Variants in TMCC2 observed in about 807,000 individuals in gnomAD.
TMCC2 encodes the protein transmembrane and coiled-coil domain family 2.
Under a neutral mutation model 49.4 loss-of-function variants are expected in TMCC2, and 16 were observed. That is an observed-to-expected ratio of 0.32 (90% CI 0.22 to 0.49). TMCC2 has a LOEUF of 0.49. TMCC2 is among the 20% of genes least tolerant of loss of function. TMCC2 has a pLI of 0.99. For missense variants in TMCC2, 762 were observed against 989.8 expected, an observed-to-expected ratio of 0.77 and a Z score of 3.09; for synonymous variants, 397 against 434.1, an observed-to-expected ratio of 0.91 and a Z score of 1.06.
chr1:205,250,244 T>C (rs1660612984), intron 2 of TMCC2, among the ~76,000 whole-genome samples: 1 of 152,102 alleles, frequency 6.6e-6, no homozygotes, highest in East Asian at 1.9e-4. Context: ...ACTTTCTTTC[T>C]AGATTGAAAA....
intron 2 of TMCC2, among the ~76,000 whole-genome samples, chr1:205,259,066 A>G (rs1660996554): frequency 6.6e-6 from 1 of 152,208 alleles, no homozygotes; most frequent in Non-Finnish European, 1.5e-5. Flanking sequence ...TGTTCTGCAC[A>G]GGCCTGGGCC....
intron 2 of TMCC2, among the ~76,000 whole-genome samples, chr1:205,260,166 T>C (rs1310717208): frequency 6.6e-6 from 1 of 151,846 alleles, no homozygotes; most frequent in Non-Finnish European, 1.5e-5. Context: ...ACCTGTGGAG[T>C]GGCCAGCCTA....
At chr1:205,260,133 C>G in intron 2 of TMCC2, among the ~76,000 whole-genome samples, 1 of 152,170 alleles carries the variant, frequency 6.6e-6, no homozygotes, top group East Asian at 1.9e-4. Context: ...AGCCCATTCA[C>G]AAGGATTAAT....
Position 205,272,271 on chromosome 1 carries a change from C to A in TMCC2, c.*147C>A, listed in dbSNP as rs1388754040. 1 of 1,410,976 alleles carries A rather than the reference C, an allele frequency of 7.1e-7. No individual in the cohort carries two copies. Among genetic ancestry groups the A allele is most frequent in the Non-Finnish European group, 9.3e-7 (1 of 1,073,064 alleles). The allele number at this position is 1,410,976 out of a possible 1,614,324, so 87.4% of individuals were successfully genotyped here. A position where few individuals can be genotyped will look rare whatever the true frequency, so the allele number is the denominator to read the frequency against. The stretch of plus-strand genomic sequence containing the variant: ...GCTCCTGCCCCCTTCTCTGTACTTG[C>A]TTCTGTCTGACACCTTCTCCCTGTT... On this transcript the variant is annotated 3_prime_UTR_variant, in exon 5 of 5. Transcript: ENST00000358024.
At chr1:205,239,275 T>C (rs1159278200) in intron 1 of TMCC2, among the ~76,000 whole-genome samples, 1 of 152,168 alleles carries the variant, frequency 6.6e-6, no homozygotes, top group Non-Finnish European at 1.5e-5. Context: ...GCTGGCCCCA[T>C]CACAGTGTCT....
At chr1:205,257,482 C>T in intron 2 of TMCC2, 2 of 1,060,566 alleles carry the variant, frequency 1.9e-6, no homozygotes, top group Non-Finnish European at 2.4e-6. Context: ...TCCAGTCTCT[C>T]AGGGAGCTCT....
Position 205,271,854 on chromosome 1 carries a change from G to A in TMCC2, c.1860G>A (p.Glu620=), listed in dbSNP as rs748440284. The change falls in exon 5 of 5, where the codon GAG becomes GAA. Residue 620 remains glutamate, a synonymous_variant. Transcript: ENST00000358024. ...GCCTGACCCGGGTCACCAAGCTGGA[G>A]CTGCAGCAGCAACAGCAGCAGGTGG... ...ESCLTRVTKL[E]LQQQQQQVVQ... is the part of the protein sequence containing the mutation. 1 of 1,613,570 alleles carries A rather than the reference G, an allele frequency of 6.2e-7. No individual in the cohort carries two copies. The highest frequency in any genetic ancestry group is 8.5e-7 in the Non-Finnish European group (1 of 1,180,026).
chr1:205,258,405 A>G (rs958255023), intron 2 of TMCC2, among the ~76,000 whole-genome samples: 2 of 152,070 alleles, frequency 1.3e-5, no homozygotes, highest in Non-Finnish European at 2.9e-5. Flanking sequence ...ACTGCCCCAC[A>G]TGTGTCCCAT....
At position 205,271,020 on chromosome 1, in the gene TMCC2, G is replaced by A; in HGVS notation, c.1683-100G>A. 3.3e-6 allele frequency: 5 copies of A among 1,507,202 alleles called. No individual in the cohort carries two copies. In the South Asian group the frequency reaches 6.4e-5, roughly 19 times the overall value. The allele number at this position is 1,507,202 out of a possible 1,614,324, so 93.4% of individuals were successfully genotyped here. On this transcript the variant is annotated intron_variant, in intron 3 of 4. Coordinates refer to ENST00000358024, the MANE Select transcript of TMCC2 (RefSeq NM_014858.4). The stretch of plus-strand genomic sequence containing the variant: ...AGAGCAGAGCTGGACACGGGGGATG[G>A]GCTGAGTCATTGTTTATTGAGAGAA...
chr1:205,229,787 T>C (rs1278901051), intron 1 of TMCC2: 2 of 985,344 alleles, frequency 2.0e-6, no homozygotes, highest in East Asian at 1.1e-4. Context: ...TGGAGCTGTT[T>C]ATTTTCCGGC....
At chr1:205,267,171 G>A (rs1217436450) in intron 2 of TMCC2, among the ~76,000 whole-genome samples, 2 of 152,170 alleles carry the variant, frequency 1.3e-5, no homozygotes, top group African/African-American at 2.4e-5. Context: ...ATGGGGTTGT[G>A]GTTGTCCACA....
chr1:205,248,847 C>G (rs2102561732), intron 2 of TMCC2, among the ~76,000 whole-genome samples: 1 of 152,292 alleles, frequency 6.6e-6, no homozygotes, highest in Non-Finnish European at 1.5e-5. Flanking sequence ...CTCTCCCCAG[C>G]TGATCCCTGG....
chr1:205,256,575 G>T (rs1558652315), intron 2 of TMCC2, among the ~76,000 whole-genome samples: 1 of 152,230 alleles, frequency 6.6e-6, no homozygotes, highest in Non-Finnish European at 1.5e-5. Context: ...CCCTGGTGAG[G>T]CTGGCTGCTG....
intron 2 of TMCC2, among the ~76,000 whole-genome samples, chr1:205,256,704 T>A (rs1295726641): frequency 6.6e-6 from 1 of 152,170 alleles, no homozygotes; most frequent in Non-Finnish European, 1.5e-5. Flanking sequence ...GCTGGCTGTG[T>A]TAGGATCTGC....
At chr1:205,234,048 C>CAAT (rs1659922014) in intron 1 of TMCC2, 1 of 151,818 alleles carries the variant, frequency 6.6e-6, no homozygotes, top group Non-Finnish European at 1.5e-5. Flanking sequence ...TCTTGAGGCC[C>CAAT]AGTAGATATG....
chr1:205,267,445 A>G lies in TMCC2; in HGVS notation c.748-1505A>G, dbSNP rs79676644. Among the ~76,000 whole-genome samples, 71 of 151,834 alleles carry G rather than the reference A, an allele frequency of 4.7e-4. 1 individual carries two copies. The East Asian group carries it at 0.011, about 24-fold the overall frequency. The stretch of plus-strand genomic sequence containing the variant: ...TCTGACCACACCCCTGCCCCCTCCC[A>G]TACATACTAAGGGCAAATGATCTGA... On this transcript the variant is annotated intron_variant, in intron 2 of 4. Coordinates refer to ENST00000358024, the MANE Select transcript of TMCC2 (RefSeq NM_014858.4).
chr1:205,258,080 T>G (rs773360608), intron 2 of TMCC2, among the ~76,000 whole-genome samples: 24 of 152,212 alleles, frequency 1.6e-4, no homozygotes, highest in African/African-American at 5.8e-4. Flanking sequence ...AGAGTAGCCC[T>G]TAGGGTCAGG....
At chr1:205,259,045 C>T (rs1304199874) in intron 2 of TMCC2, among the ~76,000 whole-genome samples, 5 of 152,202 alleles carry the variant, frequency 3.3e-5, no homozygotes, top group African/African-American at 4.8e-5. Context: ...AGACCTTGCT[C>T]CCAGGAGCGG....
At chr1:205,233,542 C>T (rs1659896566) in intron 1 of TMCC2, among the ~76,000 whole-genome samples, 1 of 152,168 alleles carries the variant, frequency 6.6e-6, no homozygotes, top group African/African-American at 2.4e-5. Flanking sequence ...AGCTTCCTCC[C>T]ACTGTGAGTG....
Sources: gnomAD v4.1 joint callset for allele counts (sites outside exome capture counted in the v4.1 genomes callset) on GRCh38, gnomAD v4.1.1 for gene constraint, MANE v1.5 for transcripts, NCBI Gene and HGNC (gene_info 2026-07-23, HGNC 2026-07-21) for gene names.